KMT2C: variants seen among roughly 807,000 people sequenced by gnomAD.
The protein encoded by KMT2C is lysine methyltransferase 2C.
KMT2C carries 88 observed loss-of-function variants against 507.9 expected under a neutral mutation model. The observed-to-expected ratio is 0.17, with a 90% CI of 0.15 to 0.21. The LOEUF is 0.21. Among genes scored for constraint, KMT2C ranks in the 10% least tolerant of loss-of-function variants. The pLI is 1.00. For synonymous variants in KMT2C, 2,049 were observed against 2,080.8 expected (o/e 0.98, Z 0.42); for missense variants, 4,954 against 5,957.8 (o/e 0.83, Z 5.55).
chr7:152,311,964 T>C lies in KMT2C; in HGVS notation c.591-18A>G. On this transcript the variant is annotated intron_variant, in intron 4 of 58. Transcript: ENST00000262189. ...ATCGTTCTCTGAAAATAAAATAAAA[T>C]AACTGTGAAAGTGAAAACAAGCAGA... is the stretch of plus-strand genomic sequence containing the variant. 6.5e-7 allele frequency: 1 copy of C among 1,534,518 alleles called. No homozygotes were observed. The highest frequency in any genetic ancestry group is 1.2e-5 in the South Asian group (1 of 80,678).
chr7:152,353,590 C>T (rs533530222), intron 2 of KMT2C, among the ~76,000 whole-genome samples: 2 of 151,988 alleles, frequency 1.3e-5, no homozygotes, highest in Non-Finnish European at 2.9e-5. Context: ...TGGTGTCTCC[C>T]GGGCTCAAGC....
At chr7:152,256,095 G>A (rs975749828) in intron 9 of KMT2C, among the ~76,000 whole-genome samples, 11 of 152,074 alleles carry the variant, frequency 7.2e-5, no homozygotes, top group East Asian at 1.9e-4. Context: ...ACTTGAACCC[G>A]CGAGGGGGAG....
chr7:152,313,026 A>C (rs534748908), intron 4 of KMT2C, among the ~76,000 whole-genome samples: 16 of 152,324 alleles, frequency 1.1e-4, no homozygotes, highest in African/African-American at 3.8e-4. Context: ...GTACATTTAA[A>C]TATCAAACCA....
In KMT2C at chr7:152,144,727, G is replaced by A. The variant is rs2090935134; in HGVS notation, c.14329C>T (p.Arg4777Trp). ...TATTTCTTCACCTGAATCCGAGACC[G>A]TGCCAGATACACATTGGATTTCCAT... ...TEWKSNVYLA[R>W]SRIQGLGLYA... The change falls in exon 55 of 59, where the codon CGG (arginine) becomes TGG (tryptophan). Residue 4777 changes from arginine to tryptophan, a missense_variant. By Grantham distance (101) the Arg-to-Trp change is moderately radical. Around this residue, in one of 29 missense-constraint regions of KMT2C, gnomAD observed 133 missense variants for 258.9 expected, o/e 0.51. Transcript: ENST00000262189. This position sits in a 1 kb window ranked among gnomAD's most constrained non-coding sequence, Gnocchi z 4.4. 4 of 1,613,740 alleles carry A rather than the reference G, an allele frequency of 2.5e-6. No individual in the cohort carries two copies. Among genetic ancestry groups the A allele is most frequent in the Non-Finnish European group, 3.4e-6 (4 of 1,179,766 alleles).
chr7:152,429,054 T>C (rs934370674), intron 1 of KMT2C, among the ~76,000 whole-genome samples: 2 of 152,038 alleles, frequency 1.3e-5, no homozygotes, highest in East Asian at 1.9e-4. Flanking sequence ...TTCATTCACA[T>C]TGCTCCCTCA....
intron 39 of KMT2C, among the ~76,000 whole-genome samples, chr7:152,173,457 T>C (rs1009172608): frequency 1.4e-4 from 22 of 152,198 alleles, no homozygotes; most frequent in African/African-American, 3.9e-4. Flanking sequence ...AGGTCTGCAG[T>C]AGAGCAAAAT....
chr7:152,270,324 G>A (rs2095939150), intron 7 of KMT2C, among the ~76,000 whole-genome samples: 2 of 152,244 alleles, frequency 1.3e-5, no homozygotes, highest in South Asian at 2.1e-4. Context: ...AAAAGAGGCT[G>A]GAGTTAAAGC....
At chr7:152,251,255 A>T (rs762336945) in intron 11 of KMT2C, among the ~76,000 whole-genome samples, 2 of 152,218 alleles carry the variant, frequency 1.3e-5, no homozygotes, top group Non-Finnish European at 2.9e-5. Flanking sequence ...AAGACCAACC[A>T]GGCCAACATA....
At chr7:152,242,973 G>A (rs1470020575) in intron 14 of KMT2C, among the ~76,000 whole-genome samples, 1 of 152,152 alleles carries the variant, frequency 6.6e-6, no homozygotes, top group Non-Finnish European at 1.5e-5. Flanking sequence ...AAGAGAGAGA[G>A]CCGAAAGGAA....
At chr7:152,420,953 G>A (rs1200663781) in intron 1 of KMT2C, among the ~76,000 whole-genome samples, 1 of 151,756 alleles carries the variant, frequency 6.6e-6, no homozygotes, top group Admixed American at 6.6e-5. Context: ...CACCAACATG[G>A]CACCTTGTAT....
chr7:152,427,133 A>G (rs2097826774), intron 1 of KMT2C, among the ~76,000 whole-genome samples: 1 of 152,188 alleles, frequency 6.6e-6, no homozygotes, highest in South Asian at 2.1e-4. Context: ...CTCCTGCCTC[A>G]GCCTCCCGAG....
intron 1 of KMT2C, among the ~76,000 whole-genome samples, chr7:152,369,951 C>T (rs1456267013): frequency 6.6e-6 from 1 of 152,108 alleles, no homozygotes; most frequent in Non-Finnish European, 1.5e-5. Flanking sequence ...GTGGCTCATG[C>T]CTGTAATCCC....
chr7:152,284,353 CAATA>C (rs1303899366), intron 6 of KMT2C, among the ~76,000 whole-genome samples: 2 of 152,032 alleles, frequency 1.3e-5, no homozygotes, highest in Non-Finnish European at 2.9e-5. Flanking sequence ...TCCAAGAGAG[CAATA>C]AATAGTCTTT....
rs1256417786 is a variant in KMT2C at position 152,134,981 on chromosome 7, A to G, written c.*1851T>C. On this transcript the variant is annotated 3_prime_UTR_variant, in exon 59 of 59. Coordinates refer to ENST00000262189, the MANE Select transcript of KMT2C (RefSeq NM_170606.3). Reference sequence around the variant, plus strand: ...GTGATCTTCTAAATCTGTGTCCACAAATTCCAAAACCCATAACACTCTGTA... The same window carrying G: ...GTGATCTTCTAAATCTGTGTCCACAGATTCCAAAACCCATAACACTCTGTA... 4.4e-6 allele frequency: 1 copy of G among 226,478 alleles called. No homozygotes were observed. The highest frequency in any genetic ancestry group is 8.8e-6 in the Non-Finnish European group (1 of 113,644). The allele number at this position is 226,478 out of a possible 1,614,324, so 14.0% of individuals were successfully genotyped here.
At chr7:152,429,646 G>A (rs1194345205) in intron 1 of KMT2C, among the ~76,000 whole-genome samples, 4 of 151,332 alleles carry the variant, frequency 2.6e-5, no homozygotes, top group Admixed American at 2.6e-4. Flanking sequence ...TCAGCCTCCC[G>A]AGTCACTGGG....
intron 3 of KMT2C, among the ~76,000 whole-genome samples, chr7:152,316,266 G>A (rs2096722198): frequency 6.6e-6 from 1 of 152,080 alleles, no homozygotes; most frequent in South Asian, 2.1e-4. Flanking sequence ...ACTATGGACT[G>A]TAGTTAAAAA....
intron 6 of KMT2C, among the ~76,000 whole-genome samples, chr7:152,295,312 T>A (rs992664906): frequency 6.6e-6 from 1 of 152,228 alleles, no homozygotes; most frequent in Non-Finnish European, 1.5e-5. Context: ...AAAGGTACAT[T>A]ACTGAAATTC....
At chr7:152,418,864 A>C (rs1439844546) in intron 1 of KMT2C, among the ~76,000 whole-genome samples, 1 of 151,808 alleles carries the variant, frequency 6.6e-6, no homozygotes, top group Admixed American at 6.6e-5. Context: ...AGTATCACAA[A>C]AAAAAAAAAA....
chr7:152,278,139 G>C (rs193011537), intron 6 of KMT2C, among the ~76,000 whole-genome samples: 1 of 152,134 alleles, frequency 6.6e-6, no homozygotes. Flanking sequence ...TGCTGTCCTT[G>C]CGATAACGAG....
Sources: allele counts gnomAD v4.1 joint callset (sites outside exome capture counted in the v4.1 genomes callset), GRCh38; gene constraint gnomAD v4.1.1; regional missense constraint gnomAD v4.1.1; non-coding constraint Gnocchi (gnomAD v3.1); transcripts MANE v1.5; gene names NCBI Gene and HGNC (gene_info 2026-07-23, HGNC 2026-07-21).